Variants in DLG2 observed in about 807,000 individuals in gnomAD.
The protein encoded by DLG2 is disks large homolog 2.
In DLG2, 45 loss-of-function variants were observed where a neutral mutation model predicts 132.5. The ratio of observed to expected loss-of-function variants is 0.34; its 90% CI spans 0.27 to 0.44. The LOEUF (loss-of-function observed/expected upper bound fraction) is 0.44. Among genes scored for constraint, DLG2 ranks in the 20% least tolerant of loss-of-function variants. The pLI is 1.00. For synonymous variants in DLG2, 424 were observed against 419.6 expected (o/e 1.01, Z -0.13); for missense variants, 1,045 against 1,196.9 (o/e 0.87, Z 1.87).
At chr11:84,372,892 C>T (rs1234034712) in intron 7 of DLG2, among the ~76,000 whole-genome samples, 1 of 152,090 alleles carries the variant, frequency 6.6e-6, no homozygotes, top group East Asian at 1.9e-4. Flanking sequence ...CTGAGACATT[C>T]ACATTAATTT....
At chr11:83,601,262 G>A (rs568435549) in intron 19 of DLG2, among the ~76,000 whole-genome samples, 5 of 152,266 alleles carry the variant, frequency 3.3e-5, no homozygotes, top group African/African-American at 9.6e-5. Flanking sequence ...ATGCCATGCC[G>A]AAGAGTTGGG....
chr11:84,794,435 A>T (rs560173992), intron 6 of DLG2, among the ~76,000 whole-genome samples: 5 of 151,884 alleles, frequency 3.3e-5, no homozygotes, highest in African/African-American at 7.3e-5. Flanking sequence ...AGAAGACCCA[A>T]CTCCTTCCGA....
chr11:83,458,219 C>CCAAA lies in DLG2; in HGVS notation c.*1595_*1598dup, dbSNP rs1357965792. On this transcript the variant is annotated 3_prime_UTR_variant, in exon 28 of 28. Coordinates refer to ENST00000376104, the MANE Select transcript of DLG2 (RefSeq NM_001142699.3). ...GTTATTATCACTGAAAAGTCTCTCCCCAAACACCATGGGCAAAAGCAATGC... is the reference window on the plus strand; with the variant it reads ...GTTATTATCACTGAAAAGTCTCTCCCCAAACAAACACCATGGGCAAAAGCAATGC... 1.3e-5 allele frequency: 2 copies of CCAAA among 152,624 alleles called. No homozygotes were observed. The highest frequency in any genetic ancestry group is 6.5e-5 in the Admixed American group (1 of 15,276). 9.5% of individuals were successfully genotyped at this position (152,624 alleles called of 1,614,324 possible).
intron 7 of DLG2, among the ~76,000 whole-genome samples, chr11:84,331,948 C>A (rs2098461748): frequency 1.3e-5 from 2 of 152,242 alleles, no homozygotes; most frequent in South Asian, 4.1e-4. Flanking sequence ...AAAAACACAT[C>A]TGAGAGGTTT....
chr11:85,142,190 CA>C (rs2076537216), intron 5 of DLG2, among the ~76,000 whole-genome samples: 1 of 151,864 alleles, frequency 6.6e-6, no homozygotes, highest in Admixed American at 6.6e-5. Flanking sequence ...AATCTATTAA[CA>C]CAAAATATCT....
At chr11:83,862,270 A>G (rs74453456) in intron 16 of DLG2, among the ~76,000 whole-genome samples, 19,023 of 152,178 alleles carry the variant, frequency 0.13, 1,762 homozygotes, top group Non-Finnish European at 0.18. Flanking sequence ...ATAAAAAAGA[A>G]TGAGATCCTG....
chr11:84,433,056 T>C (rs530358466), intron 7 of DLG2, among the ~76,000 whole-genome samples: 1 of 152,110 alleles, frequency 6.6e-6, no homozygotes, highest in Non-Finnish European at 1.5e-5. Flanking sequence ...AAGGTGAGTA[T>C]GGCCTAATGT....
chr11:85,007,696 G>GA (rs2058811748), intron 6 of DLG2, among the ~76,000 whole-genome samples: 1 of 136,054 alleles, frequency 7.4e-6, no homozygotes, highest in Admixed American at 7.4e-5. Flanking sequence ...AAAAAGAAAA[G>GA]AAAAGAAAAA....
intron 19 of DLG2, among the ~76,000 whole-genome samples, chr11:83,593,841 GA>G (rs547631874): frequency 6.0e-5 from 9 of 149,108 alleles, no homozygotes; most frequent in Non-Finnish European, 1.0e-4. Flanking sequence ...CTCACTGCTT[GA>G]AAAAAAAAGA....
chr11:84,576,131 C>A (rs2099499396), intron 6 of DLG2, among the ~76,000 whole-genome samples: 1 of 152,202 alleles, frequency 6.6e-6, no homozygotes, highest in Admixed American at 6.5e-5. Context: ...TTCCTGCAAG[C>A]TTTCCAATCC....
intron 18 of DLG2, among the ~76,000 whole-genome samples, chr11:83,758,581 C>T (rs1343468065): frequency 6.6e-6 from 1 of 152,048 alleles, no homozygotes; most frequent in East Asian, 1.9e-4. Context: ...GAGTAGATTA[C>T]TTAGTTTTGC....
intron 16 of DLG2, among the ~76,000 whole-genome samples, chr11:83,848,018 C>T (rs949996865): frequency 6.6e-6 from 1 of 151,974 alleles, no homozygotes; most frequent in African/African-American, 2.4e-5. Flanking sequence ...CTTAATTCTC[C>T]TCTTTTTCCT....
At position 84,960,521 on chromosome 11, in the gene DLG2, C is replaced by T. The variant is rs189379445; in HGVS notation, c.357+151140G>A. Among the ~76,000 whole-genome samples the T allele has an allele frequency of 1.8e-3, 266 of 151,742 alleles. 1 individual carries two copies. The highest frequency in any genetic ancestry group is 6.1e-3 in the African/African-American group (253 of 41,378). On this transcript the variant is annotated intron_variant, in intron 6 of 27. Transcript: ENST00000376104. ...CGCAATCTCGGCTCACTGCAACCTC[C>T]GCCTCCTGGGTTCAAGCTGTTCTCC...
chr11:84,112,788 G>C (rs1433055286), intron 9 of DLG2, among the ~76,000 whole-genome samples: 1 of 152,096 alleles, frequency 6.6e-6, no homozygotes, highest in Non-Finnish European at 1.5e-5. Flanking sequence ...TCATCTATTA[G>C]GTGCTACTCC....
intron 14 of DLG2, among the ~76,000 whole-genome samples, chr11:83,946,906 T>C (rs1188194960): frequency 6.6e-6 from 1 of 152,228 alleles, no homozygotes; most frequent in Non-Finnish European, 1.5e-5. Flanking sequence ...AACTCCAACA[T>C]AGTTTCCCTT....
chr11:85,496,483 G>A (rs1224685144), intron 3 of DLG2, among the ~76,000 whole-genome samples: 1 of 152,146 alleles, frequency 6.6e-6, no homozygotes. Context: ...TCCACCTCTG[G>A]GGACAGGGCA....
intron 18 of DLG2, among the ~76,000 whole-genome samples, chr11:83,676,835 C>T (rs1019053477): frequency 6.6e-6 from 1 of 152,106 alleles, no homozygotes; most frequent in Non-Finnish European, 1.5e-5. Context: ...TATCCATGTC[C>T]CTTGGATTAT....
At chr11:84,881,601 C>G (rs191452364) in intron 6 of DLG2, among the ~76,000 whole-genome samples, 5 of 152,232 alleles carry the variant, frequency 3.3e-5, no homozygotes, top group African/African-American at 1.2e-4. Flanking sequence ...GCTTATTACC[C>G]CTGGCCTCCT....
chr11:84,121,681 C>T (rs866232949), intron 9 of DLG2, among the ~76,000 whole-genome samples: 13 of 149,924 alleles, frequency 8.7e-5, no homozygotes, highest in African/African-American at 3.2e-4. Context: ...CCTGCCTCAG[C>T]CTCCTGAGTA....
Sources: gnomAD v4.1 joint callset for allele counts (sites outside exome capture counted in the v4.1 genomes callset) on GRCh38, gnomAD v4.1.1 for gene constraint, MANE v1.5 for transcripts, NCBI Gene and HGNC (gene_info 2026-07-23, HGNC 2026-07-21) for gene names.